The following TRAPPC9 variants were observed in gnomAD, a reference collection of about 807,000 sequenced individuals.
TRAPPC9 encodes the protein trafficking protein particle complex subunit 9.
A neutral mutation model predicts 124.0 loss-of-function variants in TRAPPC9; 83 were observed. The ratio of observed to expected loss-of-function variants is 0.67; its 90% CI spans 0.56 to 0.80. TRAPPC9 has a LOEUF of 0.80. Among genes scored for constraint, TRAPPC9 ranks in the 30% least tolerant of loss-of-function variants. The probability of loss-of-function intolerance (pLI) is 0.00; values close to 1 mark genes in which losing one functional copy is unlikely to be tolerated. For missense variants in TRAPPC9, 1,302 were observed against 1,508.3 expected (o/e 0.86, Z 2.27); for synonymous variants, 638 against 617.5 (o/e 1.03, Z -0.49).
intron 21 of TRAPPC9, chr8:139,806,178 C>A (rs975417659): frequency 2.0e-5 from 3 of 152,266 alleles, no homozygotes; most frequent in Admixed American, 2.0e-4. Context: ...AGCGAGGGAG[C>A]CAGGGCTCCC....
intron 7 of TRAPPC9, among the ~76,000 whole-genome samples, chr8:140,392,681 C>T (rs954127643): frequency 2.0e-5 from 3 of 152,234 alleles, no homozygotes; most frequent in African/African-American, 7.2e-5. Flanking sequence ...GCACGCCTCC[C>T]AGAGGCCCTT....
intron 21 of TRAPPC9, among the ~76,000 whole-genome samples, chr8:139,767,965 A>G (rs1257932720): frequency 6.6e-6 from 1 of 152,254 alleles, no homozygotes; most frequent in Non-Finnish European, 1.5e-5. Flanking sequence ...AAAAATATAC[A>G]GACCCTTTGA....
rs115088205 is a variant in TRAPPC9 at position 140,046,460 on chromosome 8, C to T, written c.2557-22381G>A. Among the ~76,000 whole-genome samples the T allele has an allele frequency of 5.3e-3, 801 of 152,368 alleles. 6 individuals carry two copies. The highest frequency in any genetic ancestry group is 0.018 in the African/African-American group (754 of 41,590). ...GCCGACTCCCTCCCTTTCCTTGCGCCTTCCTCCCTGTCTCCAGCAGCTTCT... is the reference window on the plus strand; with the variant it reads ...GCCGACTCCCTCCCTTTCCTTGCGCTTTCCTCCCTGTCTCCAGCAGCTTCT... On this transcript the variant is annotated intron_variant, in intron 17 of 22. Transcript: ENST00000438773.
At chr8:140,215,873 C>T (rs1046126244) in intron 17 of TRAPPC9, 3 of 152,162 alleles carry the variant, frequency 2.0e-5, no homozygotes, top group Non-Finnish European at 2.9e-5. Context: ...ACGCTAAAGC[C>T]GTGGAGGAGG....
At chr8:140,092,710 T>C (rs144469246) in intron 17 of TRAPPC9, among the ~76,000 whole-genome samples, 3 of 152,222 alleles carry the variant, frequency 2.0e-5, no homozygotes, top group Non-Finnish European at 4.4e-5. Context: ...AAATGGATGA[T>C]GGAGAGAAAA....
At chr8:140,392,217 A>G (rs1333607794) in intron 7 of TRAPPC9, among the ~76,000 whole-genome samples, 1 of 152,210 alleles carries the variant, frequency 6.6e-6, no homozygotes, top group Non-Finnish European at 1.5e-5. Context: ...AATGGAGCGT[A>G]ATAAACTACT....
At chr8:140,013,287 C>T (rs1023226238) in intron 18 of TRAPPC9, among the ~76,000 whole-genome samples, 1 of 152,132 alleles carries the variant, frequency 6.6e-6, no homozygotes, top group African/African-American at 2.4e-5. Flanking sequence ...TGTACTGGGG[C>T]TCCAAACTTC....
At chr8:140,042,147 C>T (rs914077784) in intron 17 of TRAPPC9, among the ~76,000 whole-genome samples, 10 of 151,078 alleles carry the variant, frequency 6.6e-5, no homozygotes. Flanking sequence ...AGGAGGCATG[C>T]AAAAATTATT....
intron 21 of TRAPPC9, among the ~76,000 whole-genome samples, chr8:139,884,576 C>T (rs985857643): frequency 6.6e-6 from 1 of 152,236 alleles, no homozygotes; most frequent in African/African-American, 2.4e-5. Flanking sequence ...GGGCCTGACC[C>T]CATCTCACGG....
chr8:140,311,649 A>G (rs1210854509), intron 9 of TRAPPC9, among the ~76,000 whole-genome samples: 1 of 152,220 alleles, frequency 6.6e-6, no homozygotes, highest in African/African-American at 2.4e-5. Flanking sequence ...ATAAACCCTT[A>G]TCAAATTTCA....
At chr8:139,949,400 C>T (rs1291714113) in intron 19 of TRAPPC9, among the ~76,000 whole-genome samples, 1 of 152,172 alleles carries the variant, frequency 6.6e-6, no homozygotes, top group Non-Finnish European at 1.5e-5. Context: ...TTCTAGGAGA[C>T]ATCCGTGGGC....
intron 4 of TRAPPC9, among the ~76,000 whole-genome samples, chr8:140,432,457 G>A (rs774904487): frequency 6.6e-6 from 1 of 152,224 alleles, no homozygotes; most frequent in Non-Finnish European, 1.5e-5. Context: ...CATTCTACAG[G>A]TAGTGAGGTT....
At chr8:140,243,088 A>C (rs1264768700) in intron 16 of TRAPPC9, among the ~76,000 whole-genome samples, 1 of 152,202 alleles carries the variant, frequency 6.6e-6, no homozygotes, top group Non-Finnish European at 1.5e-5. Context: ...AGAAACACAG[A>C]TCGCAGCCCA....
intron 17 of TRAPPC9, among the ~76,000 whole-genome samples, chr8:140,116,067 T>C (rs1057030796): frequency 6.6e-6 from 1 of 152,054 alleles, no homozygotes; most frequent in Non-Finnish European, 1.5e-5. Flanking sequence ...AGCAGGCACC[T>C]GGCAAAGAGG....
chr8:140,039,431 C>T (rs542261750), intron 17 of TRAPPC9, among the ~76,000 whole-genome samples: 2 of 152,268 alleles, frequency 1.3e-5, no homozygotes, highest in South Asian at 2.1e-4. Flanking sequence ...GTATACTCAG[C>T]GCCTCCCTGG....
At chr8:139,894,374 G>A (rs980234679) in intron 20 of TRAPPC9, among the ~76,000 whole-genome samples, 33 of 152,212 alleles carry the variant, frequency 2.2e-4, no homozygotes, top group African/African-American at 6.5e-4. Flanking sequence ...TCCTGGGGGG[G>A]TGCTGTCCTT....
intron 2 of TRAPPC9, among the ~76,000 whole-genome samples, chr8:140,445,582 C>T (rs149944600): frequency 0.011 from 1,683 of 152,252 alleles, 33 homozygotes; most frequent in African/African-American, 0.037. Context: ...GAGCCAGTGG[C>T]GGCAGAAAAG....
intron 17 of TRAPPC9, among the ~76,000 whole-genome samples, chr8:140,144,175 C>T (rs2061422628): frequency 6.6e-6 from 1 of 152,186 alleles, no homozygotes; most frequent in Admixed American, 6.5e-5. Context: ...TTGGCTCCTT[C>T]TTCTAGTATA....
intron 17 of TRAPPC9, among the ~76,000 whole-genome samples, chr8:140,130,274 A>G (rs2061182765): frequency 6.6e-6 from 1 of 152,194 alleles, no homozygotes; most frequent in Non-Finnish European, 1.5e-5. Context: ...ACTTTACAGC[A>G]CCTTCGTAGA....
Sources: allele counts gnomAD v4.1 joint callset (sites outside exome capture counted in the v4.1 genomes callset), GRCh38; gene constraint gnomAD v4.1.1; transcripts MANE v1.5; gene names NCBI Gene and HGNC (gene_info 2026-07-23, HGNC 2026-07-21).